FGF2: variants seen among roughly 807,000 people sequenced by gnomAD.
FGF2 encodes the protein fibroblast growth factor 2.
Under a neutral mutation model 15.9 loss-of-function variants are expected in FGF2, and 13 were observed. That is an observed-to-expected ratio of 0.82 (90% CI 0.53 to 1.30). The LOEUF is 1.30. Among genes scored for constraint, FGF2 ranks in the 50% most tolerant of loss-of-function variants. FGF2 has a pLI of 0.00. For synonymous variants in FGF2, 90 were observed against 78.4 expected (o/e 1.15, Z -0.78); for missense variants, 163 against 196.9 (o/e 0.83, Z 1.03).
intron 1 of FGF2, among the ~76,000 whole-genome samples, chr4:122,849,964 C>T (rs1316505744): frequency 1.3e-5 from 2 of 152,102 alleles, no homozygotes; most frequent in Non-Finnish European, 2.9e-5. Flanking sequence ...AATGTATGTT[C>T]AAGAATGCAG....
In FGF2 at chr4:122,891,186, G is replaced by A. The variant is rs1047517918; in HGVS notation, c.283-1025G>A. Among the ~76,000 whole-genome samples the A allele has an allele frequency of 1.7e-4, 25 of 151,014 alleles. No homozygotes were observed. The East Asian group carries it at 4.9e-3, about 29-fold the overall frequency. The stretch of plus-strand genomic sequence containing the variant: ...CTCCCAAGTAGCTGGGACTACAGGC[G>A]CCCGCCAACACGCCCGGCTAATTTT... On this transcript the variant is annotated intron_variant, in intron 2 of 2. Coordinates refer to ENST00000644866, the MANE Select transcript of FGF2 (RefSeq NM_001361665.2).
At position 122,893,375 on chromosome 4, in the gene FGF2, G is replaced by A. The variant is rs1727250154; in HGVS notation, c.*979G>A. On this transcript the variant is annotated 3_prime_UTR_variant, in exon 3 of 3. Coordinates refer to ENST00000644866, the MANE Select transcript of FGF2 (RefSeq NM_001361665.2). ...TTCAATACAAATTCTTTGCCTTGTG[G>A]ATATCAAGAAATCCCAAAATATTTT... 3.1e-6 allele frequency: 2 copies of A among 654,420 alleles called. No homozygotes were observed. Among genetic ancestry groups the A allele is most frequent in the Non-Finnish European group, 4.7e-6 (2 of 429,950 alleles). The allele number at this position is 654,420 out of a possible 1,614,324, so 40.5% of individuals were successfully genotyped here.
At chr4:122,875,999 C>G (rs1296543623) in intron 1 of FGF2, among the ~76,000 whole-genome samples, 1 of 152,168 alleles carries the variant, frequency 6.6e-6, no homozygotes, top group African/African-American at 2.4e-5. Context: ...CGATTGAAAG[C>G]TAACTGCCCA....
At chr4:122,865,071 A>C (rs1726544832) in intron 1 of FGF2, among the ~76,000 whole-genome samples, 1 of 152,172 alleles carries the variant, frequency 6.6e-6, no homozygotes, top group African/African-American at 2.4e-5. Context: ...CAGTTTTTAC[A>C]TATTAAATAT....
chr4:122,863,745 G>T (rs1322469929), intron 1 of FGF2, among the ~76,000 whole-genome samples: 1 of 152,188 alleles, frequency 6.6e-6, no homozygotes, highest in Non-Finnish European at 1.5e-5. Flanking sequence ...GAGATGTATT[G>T]GAAGGAGTTG....
At chr4:122,872,898 C>T (rs1726769685) in intron 1 of FGF2, among the ~76,000 whole-genome samples, 1 of 152,182 alleles carries the variant, frequency 6.6e-6, no homozygotes, top group Non-Finnish European at 1.5e-5. Flanking sequence ...AAAGGAAAAA[C>T]CGGTACCAGT....
intron 1 of FGF2, among the ~76,000 whole-genome samples, chr4:122,839,561 C>T (rs1340785513): frequency 1.3e-5 from 2 of 152,180 alleles, no homozygotes; most frequent in African/African-American, 4.8e-5. Flanking sequence ...TTAAACTCCT[C>T]TTTCCTTTAT....
chr4:122,842,177 A>G (rs186687716), intron 1 of FGF2, among the ~76,000 whole-genome samples: 9 of 152,288 alleles, frequency 5.9e-5, no homozygotes, highest in Admixed American at 3.9e-4. Flanking sequence ...AACCTTTCTA[A>G]AGACCTGTTG....
chr4:122,832,536 C>T (rs1725785814), intron 1 of FGF2, among the ~76,000 whole-genome samples: 2 of 152,188 alleles, frequency 1.3e-5, no homozygotes, highest in South Asian at 2.1e-4. Flanking sequence ...CGTGAGCCAC[C>T]GTGCCCAGCC....
intron 2 of FGF2, among the ~76,000 whole-genome samples, chr4:122,887,952 G>T (rs1727092444): frequency 1.3e-5 from 2 of 152,080 alleles, no homozygotes; most frequent in South Asian, 4.1e-4. Context: ...TAGTTCTGTG[G>T]TTATTAGCAT....
chr4:122,850,403 C>A (rs1002847087), intron 1 of FGF2, among the ~76,000 whole-genome samples: 1 of 152,206 alleles, frequency 6.6e-6, no homozygotes, highest in Non-Finnish European at 1.5e-5. Context: ...CGATTCAGAG[C>A]ATCTTAAACA....
At chr4:122,852,801 C>CA (rs1331640682) in intron 1 of FGF2, among the ~76,000 whole-genome samples, 2 of 152,194 alleles carry the variant, frequency 1.3e-5, no homozygotes, top group African/African-American at 4.8e-5. Flanking sequence ...TGGCCACCAT[C>CA]AAAGTCCACA....
intron 1 of FGF2, among the ~76,000 whole-genome samples, chr4:122,865,102 G>A (rs1726545553): frequency 6.6e-6 from 1 of 151,902 alleles, no homozygotes; most frequent in Non-Finnish European, 1.5e-5. Flanking sequence ...ATTACTTTGG[G>A]TTTAATTTGC....
intron 1 of FGF2, among the ~76,000 whole-genome samples, chr4:122,844,565 CT>C (rs774829930): frequency 0.022 from 3,169 of 141,908 alleles, 42 homozygotes; most frequent in African/African-American, 0.028. Context: ...CTTTTTCTTT[CT>C]TTCTTTTTCT....
At chr4:122,871,978 G>A (rs901048620) in intron 1 of FGF2, among the ~76,000 whole-genome samples, 2 of 152,012 alleles carry the variant, frequency 1.3e-5, no homozygotes, top group Non-Finnish European at 1.5e-5. Context: ...CCAAATGATC[G>A]CAATGTCTCT....
At chr4:122,864,849 C>T (rs1191292334) in intron 1 of FGF2, among the ~76,000 whole-genome samples, 3 of 152,126 alleles carry the variant, frequency 2.0e-5, no homozygotes, top group African/African-American at 7.2e-5. Flanking sequence ...TTTAATATGA[C>T]ACACAGTTGG....
At chr4:122,829,451 C>T (rs1220209126) in intron 1 of FGF2, among the ~76,000 whole-genome samples, 1 of 152,168 alleles carries the variant, frequency 6.6e-6, no homozygotes, top group Admixed American at 6.5e-5. Flanking sequence ...GTCACTAGTA[C>T]TCAGGTTGAG....
At chr4:122,890,426 TAA>T (rs1028840410) in intron 2 of FGF2, among the ~76,000 whole-genome samples, 1 of 152,230 alleles carries the variant, frequency 6.6e-6, no homozygotes, top group African/African-American at 2.4e-5. Context: ...GCAAATTAGT[TAA>T]GTTTGTATTT....
At position 122,826,996 on chromosome 4, in the gene FGF2, C is replaced by G; in HGVS notation, c.-179C>G. 7.9e-7 allele frequency: 1 copy of G among 1,260,954 alleles called. No individual in the cohort carries two copies. The highest frequency in any genetic ancestry group is 1.0e-6 in the Non-Finnish European group (1 of 1,002,950). 78.1% of individuals were successfully genotyped at this position (1,260,954 alleles called of 1,614,324 possible). On this transcript the variant is annotated 5_prime_UTR_variant, in exon 1 of 3. Transcript: ENST00000644866. ...AGGGGCCGGCGGACAGAAGAGCGGC[C>G]GAGCGGCTCGAGGCTGGGGGACCGC...
Sources: allele counts gnomAD v4.1 joint callset (sites outside exome capture counted in the v4.1 genomes callset), GRCh38; gene constraint gnomAD v4.1.1; transcripts MANE v1.5; gene names NCBI Gene and HGNC (gene_info 2026-07-23, HGNC 2026-07-21).